PCDH11X: variants seen among roughly 807,000 people sequenced by gnomAD.
The protein encoded by PCDH11X is protocadherin-11 X-linked.
In PCDH11X, 18 loss-of-function variants were observed where a neutral mutation model predicts 53.3. That is an observed-to-expected ratio of 0.34 (90% CI 0.23 to 0.50). The LOEUF is 0.50. PCDH11X is among the 20% of genes least tolerant of loss of function. The pLI is 0.98. For synonymous variants in PCDH11X, 279 were observed against 393.3 expected (o/e 0.71, Z 3.44); for missense variants, 570 against 1,032.4 (o/e 0.55, Z 6.14).
intron 10 of PCDH11X, among the ~76,000 whole-genome samples, chrX:92,555,137 A>G (rs1602322272): frequency 9.0e-6 from 1 of 111,406 alleles, no homozygotes; most frequent in East Asian, 2.8e-4. Context: ...GAATAATAGT[A>G]TCAGAAAGAA....
intron 7 of PCDH11X, among the ~76,000 whole-genome samples, chrX:92,212,304 G>C (rs1164102353): frequency 2.7e-5 from 3 of 110,581 alleles, no homozygotes; most frequent in African/African-American, 9.9e-5. Context: ...GAGTCACAGT[G>C]CTTGACCCTT....
At chrX:92,617,225 T>A (rs1475030924) in intron 10 of PCDH11X, among the ~76,000 whole-genome samples, 3 of 112,002 alleles carry the variant, frequency 2.7e-5, no homozygotes, top group Admixed American at 9.5e-5. Flanking sequence ...TTGCTAAAAT[T>A]GAATAGTTCT....
chrX:92,474,570 G>T (rs1886774344), intron 10 of PCDH11X, among the ~76,000 whole-genome samples: 1 of 89,543 alleles, frequency 1.1e-5, no homozygotes, highest in African/African-American at 4.3e-5. Context: ...ATTTTCTCTG[G>T]TGATACAATT....
intron 6 of PCDH11X, among the ~76,000 whole-genome samples, chrX:92,084,633 G>T (rs748992726): frequency 1.9e-4 from 21 of 109,969 alleles, no homozygotes; most frequent in Admixed American, 1.7e-3. Flanking sequence ...TATTGAGAAA[G>T]ATTTTATTAT....
chrX:92,100,247 C>T (rs1569354482), intron 6 of PCDH11X, among the ~76,000 whole-genome samples: 2 of 111,582 alleles, frequency 1.8e-5, no homozygotes, highest in Non-Finnish European at 3.8e-5. Context: ...CTTTCATGCG[C>T]GTCCCTGTGA....
intron 6 of PCDH11X, among the ~76,000 whole-genome samples, chrX:92,007,448 G>A (rs1239205839): frequency 9.0e-6 from 1 of 110,909 alleles, no homozygotes; most frequent in Non-Finnish European, 1.9e-5. Flanking sequence ...ATGACCCAAG[G>A]TCTCTTAAGT....
intron 5 of PCDH11X, among the ~76,000 whole-genome samples, chrX:91,864,243 G>A (rs1328879829): frequency 9.2e-6 from 1 of 109,217 alleles, no homozygotes; most frequent in Non-Finnish European, 1.9e-5. Flanking sequence ...ATGTTTGAAG[G>A]ATATTTTCAC....
chrX:92,155,904 A>T (rs1248115515), intron 6 of PCDH11X, among the ~76,000 whole-genome samples: 1 of 108,351 alleles, frequency 9.2e-6, no homozygotes, highest in African/African-American at 3.4e-5. Context: ...CTGGGATTAC[A>T]GGCGTGAGCC....
chrX:91,966,101 T>C (rs1434994744), intron 6 of PCDH11X, among the ~76,000 whole-genome samples: 8 of 110,753 alleles, frequency 7.2e-5, no homozygotes, highest in Admixed American at 1.9e-4. Flanking sequence ...GAATGAGGGA[T>C]CTGGCATCTC....
chrX:92,382,897 T>C (rs1452306544), intron 8 of PCDH11X, among the ~76,000 whole-genome samples: 1 of 108,006 alleles, frequency 9.3e-6, no homozygotes, highest in East Asian at 2.9e-4. Flanking sequence ...TGAATATTAA[T>C]GTAGTAGCCC....
chrX:91,969,211 G>A (rs759455954), intron 6 of PCDH11X, among the ~76,000 whole-genome samples: 301 of 109,830 alleles, frequency 2.7e-3, no homozygotes, highest in African/African-American at 9.6e-3. Flanking sequence ...GATTACCTCA[G>A]AAAGGGTGGC....
At chrX:92,597,512 A>G (rs1925762427) in intron 10 of PCDH11X, among the ~76,000 whole-genome samples, 1 of 111,730 alleles carries the variant, frequency 9.0e-6, no homozygotes, top group Non-Finnish European at 1.9e-5. Flanking sequence ...TAAAACACTG[A>G]CGAAAAAAAT....
At chrX:92,319,372 A>G (rs1371075681) in intron 8 of PCDH11X, among the ~76,000 whole-genome samples, 1 of 112,368 alleles carries the variant, frequency 8.9e-6, no homozygotes, top group Non-Finnish European at 1.9e-5. Context: ...CGATACAGGA[A>G]TACTTTGAAC....
chrX:92,217,737 C>A (rs1378135904), intron 7 of PCDH11X, among the ~76,000 whole-genome samples: 1 of 110,411 alleles, frequency 9.1e-6, no homozygotes, highest in East Asian at 2.9e-4. Context: ...CACCCCAAAT[C>A]AACAGAATAT....
At chrX:92,175,783 T>TAC (rs1213559599) in intron 6 of PCDH11X, among the ~76,000 whole-genome samples, 7 of 85,847 alleles carry the variant, frequency 8.2e-5, no homozygotes, top group African/African-American at 3.2e-4. Context: ...TGTGTATATA[T>TAC]ATACACACAC....
At chrX:92,575,423 G>A (rs1269746138) in intron 10 of PCDH11X, among the ~76,000 whole-genome samples, 1 of 108,927 alleles carries the variant, frequency 9.2e-6, no homozygotes, top group African/African-American at 3.3e-5. Context: ...ATTTTTATAT[G>A]GTGAAAAATT....
intron 6 of PCDH11X, among the ~76,000 whole-genome samples, chrX:92,195,352 G>C (rs184453503): frequency 1.8e-5 from 2 of 111,572 alleles, no homozygotes; most frequent in African/African-American, 3.2e-5. Flanking sequence ...TCCACCTGGT[G>C]ATTTGTTGCT....
intron 6 of PCDH11X, among the ~76,000 whole-genome samples, chrX:92,128,172 A>G (rs1289757121): frequency 1.8e-5 from 2 of 111,657 alleles, no homozygotes; most frequent in African/African-American, 6.5e-5. Context: ...ATGCTTTACA[A>G]ACGTAAAATA....
At chrX:92,348,511 C>CATT (rs200025065) in intron 8 of PCDH11X, among the ~76,000 whole-genome samples, 3,995 of 93,499 alleles carry the variant, frequency 0.043, 80 homozygotes, top group African/African-American at 0.05. Context: ...TCAAAATTAT[C>CATT]ATTATTATTA....
Sources: gnomAD v4.1 joint callset for allele counts (sites outside exome capture counted in the v4.1 genomes callset) on GRCh38, gnomAD v4.1.1 for gene constraint, MANE v1.5 for transcripts, NCBI Gene and HGNC (gene_info 2026-07-23, HGNC 2026-07-21) for gene names.